Variants in APLF observed in about 807,000 individuals in gnomAD.
APLF encodes aprataxin and PNK-like factor.
APLF carries 61 observed loss-of-function variants against 55.6 expected under a neutral mutation model. The observed-to-expected ratio is 1.10, with a 90% confidence interval of 0.89 to 1.36. The LOEUF (loss-of-function observed/expected upper bound fraction) is 1.36, where lower values mean the gene tolerates loss of function less well. Ranked by LOEUF, APLF falls within the 40% of genes most tolerant of loss-of-function variation. The pLI is 0.00. For missense variants in APLF, 611 were observed against 602.5 expected, an observed-to-expected ratio of 1.01 and a Z score of -0.15; for synonymous variants, 207 against 214.8, an observed-to-expected ratio of 0.96 and a Z score of 0.32.
intron 5 of APLF, among the ~76,000 whole-genome samples, chr2:68,519,177 T>A: frequency 7.2e-6 from 1 of 138,204 alleles, no homozygotes; most frequent in Non-Finnish European, 1.5e-5. Context: ...ATTGGACCAA[T>A]GTGACTATAT....
chr2:68,515,522 T>G, intron 5 of APLF: 2 of 916,484 alleles, frequency 2.2e-6, no homozygotes, highest in Non-Finnish European at 2.6e-6. Context: ...GCTTCTGTGC[T>G]ACTGCTTATA....
Position 68,525,742 on chromosome 2 carries a change from C to CTTTTTTTTTTTTTTTTTT in APLF, c.623-311_623-294dup, listed in dbSNP as rs386390398. On this transcript the variant is annotated intron_variant, in intron 5 of 9. Coordinates refer to ENST00000303795, the MANE Select transcript of APLF (RefSeq NM_173545.3). The stretch of plus-strand genomic sequence containing the variant: ...TTTATCCTTTTTATTTTCTTTCTTT[C>CTTTTTTTTTTTTTTTTTT]TTTTTTTTTTTTTTTTTTTTTTTTT... Among the ~76,000 whole-genome samples, 45 of 81,974 alleles carry CTTTTTTTTTTTTTTTTTT rather than the reference C, an allele frequency of 5.5e-4. 4 individuals carry two copies. Among genetic ancestry groups the CTTTTTTTTTTTTTTTTTT allele is most frequent in the African/African-American group, 1.6e-3 (26 of 16,180 alleles). The allele number at this position is 81,974 out of a possible 152,430, so 53.8% of individuals were successfully genotyped here.
rs747170620 is a variant in APLF at position 68,526,132 on chromosome 2, G to A, written c.694G>A (p.Gly232Arg). The A allele has an allele frequency of 4.3e-6, 7 of 1,613,712 alleles. No individual in the cohort carries two copies. Among genetic ancestry groups the A allele is most frequent in the Non-Finnish European group, 5.1e-6 (6 of 1,179,954 alleles). Residue 232 changes from glycine (G) to arginine (R), a missense_variant, in exon 6 of 10, where the codon GGA (glycine) becomes AGA (arginine). By Grantham distance (125) the Gly-to-Arg change is moderately radical. Transcript: ENST00000303795. ...ATCCCAGCTAAACACAACCCAGCAA[G>A]GAAGAAGGCAATTAATTTCATCAGG... ...DKSQLNTTQQGRRQLISSGSS... is the reference protein window; with the variant it reads ...DKSQLNTTQQRRRQLISSGSS...
At chr2:68,549,696 GC>G (rs1670803848) in intron 8 of APLF, among the ~76,000 whole-genome samples, 1 of 152,018 alleles carries the variant, frequency 6.6e-6, no homozygotes, top group South Asian at 2.1e-4. Flanking sequence ...TTATATATTT[GC>G]TAGTTGATTT....
At chr2:68,577,791 GT>G in intron 9 of APLF, 28 bp from the exon 10 acceptor site, 1 of 1,607,424 alleles carries the variant, frequency 6.2e-7, no homozygotes, top group Non-Finnish European at 8.5e-7. Flanking sequence ...GGTGATTGAT[GT>G]GTTGTGTACC....
intron 2 of APLF, among the ~76,000 whole-genome samples, chr2:68,496,869 C>T (rs946642408): frequency 1.3e-5 from 2 of 152,188 alleles, no homozygotes; most frequent in Admixed American, 6.5e-5. Flanking sequence ...ATTTGCTGAT[C>T]GTTTGGTCAT....
At chr2:68,562,488 T>C (rs1671197644) in intron 8 of APLF, among the ~76,000 whole-genome samples, 1 of 152,026 alleles carries the variant, frequency 6.6e-6, no homozygotes, top group Non-Finnish European at 1.5e-5. Flanking sequence ...AGATAATGCA[T>C]ACATGTGCAA....
intron 2 of APLF, among the ~76,000 whole-genome samples, chr2:68,491,719 C>T (rs570109747): frequency 6.6e-5 from 10 of 152,140 alleles, no homozygotes; most frequent in African/African-American, 2.2e-4. Context: ...TTAGTGTAAC[C>T]GTCACCTGAA....
At chr2:68,481,541 TTGTC>T (rs796817086) in intron 1 of APLF, among the ~76,000 whole-genome samples, 31 of 152,324 alleles carry the variant, frequency 2.0e-4, no homozygotes, top group African/African-American at 5.8e-4. Context: ...AATTTTCTCA[TTGTC>T]TTTGACTTTT....
chr2:68,526,432 T>G (rs1051009307), intron 6 of APLF, among the ~76,000 whole-genome samples, 190 bp downstream of exon 6: 11 of 152,160 alleles, frequency 7.2e-5, no homozygotes, highest in Non-Finnish European at 1.5e-5. Context: ...AGTTAGAAAT[T>G]TTAGGAAGTG....
At position 68,484,905 on chromosome 2, in the gene APLF, G is replaced by C. The variant is rs578237560; in HGVS notation, c.97-5285G>C. Among the ~76,000 whole-genome samples the C allele has an allele frequency of 1.3e-4, 20 of 152,082 alleles. No individual in the cohort carries two copies. The East Asian group carries it at 1.9e-3, about 15-fold the overall frequency. ...CAGTTGCTTTTGACTACAAGTAACA[G>C]AAATTTGACAAACAGCAATTTAATC... On this transcript the variant is annotated intron_variant, in intron 1 of 9. Coordinates refer to ENST00000303795, the MANE Select transcript of APLF (RefSeq NM_173545.3).
intron 9 of APLF, among the ~76,000 whole-genome samples, 166 bp from the exon 10 acceptor site, chr2:68,577,650 TAATA>T (rs1671659333): frequency 6.6e-6 from 1 of 152,116 alleles, no homozygotes; most frequent in African/African-American, 2.4e-5. Flanking sequence ...AAAGTTAGAA[TAATA>T]AATAACAAAG....
At chr2:68,478,676 C>G (rs1270423827) in intron 1 of APLF, among the ~76,000 whole-genome samples, 1 of 152,056 alleles carries the variant, frequency 6.6e-6, no homozygotes, top group Non-Finnish European at 1.5e-5. Context: ...GAAAGGATGT[C>G]TGTCTGAACA....
chr2:68,475,632 C>A (rs1036254626), intron 1 of APLF, among the ~76,000 whole-genome samples: 1 of 152,082 alleles, frequency 6.6e-6, no homozygotes, highest in Non-Finnish European at 1.5e-5. Context: ...CATAATTGCC[C>A]CTTCTTAACA....
chr2:68,467,617 A>C lies in APLF; in HGVS notation c.-115A>C. 4 of 866,962 alleles carry C rather than the reference A, an allele frequency of 4.6e-6. No homozygotes were observed. Among genetic ancestry groups the C allele is most frequent in the Non-Finnish European group, 4.6e-6 (3 of 653,374 alleles). The allele number at this position is 866,962 out of a possible 1,614,324, so 53.7% of individuals were successfully genotyped here. A position where few individuals can be genotyped will look rare whatever the true frequency, so the allele number is the denominator to read the frequency against. On this transcript the variant is annotated 5_prime_UTR_variant, in exon 1 of 10. Transcript: ENST00000303795. ...CCGGCGCAGCCGCGGGGAGCCTTTG[A>C]GGCCCTCCCTCGGTGTTTTTTCCCA... is the stretch of plus-strand genomic sequence containing the variant.
Position 68,529,404 on chromosome 2 carries a change from G to A in APLF, c.804+3162G>A, listed in dbSNP as rs929055992. 4.4e-5 allele frequency: 55 copies of A among 1,259,962 alleles called. No homozygotes were observed. Among genetic ancestry groups the A allele is most frequent in the Non-Finnish European group, 5.3e-5 (53 of 1,001,396 alleles). The allele number at this position is 1,259,962 out of a possible 1,614,324, so 78.0% of individuals were successfully genotyped here. On this transcript the variant is annotated intron_variant, in intron 6 of 9. Transcript: ENST00000303795. The surrounding 1 kb of genome is among the most constrained non-coding windows in gnomAD (Gnocchi z 4.4). ...TCACGGACAAGACGAGCAGGTTGCCGATGGCATGGCCAGGACCTGCGGCGG... is the reference window on the plus strand; with the variant it reads ...TCACGGACAAGACGAGCAGGTTGCCAATGGCATGGCCAGGACCTGCGGCGG...
At chr2:68,562,784 A>C (rs72903924) in intron 8 of APLF, among the ~76,000 whole-genome samples, 11,758 of 152,098 alleles carry the variant, frequency 0.077, 1,310 homozygotes, top group African/African-American at 0.24. Context: ...CACTGAGATT[A>C]TGAAGGACCT....
chr2:68,478,598 A>G (rs544135305), intron 1 of APLF, among the ~76,000 whole-genome samples: 4 of 152,346 alleles, frequency 2.6e-5, no homozygotes, highest in Admixed American at 2.6e-4. Context: ...GGTAACAGAA[A>G]ATGCAGTGTC....
chr2:68,518,466 CAT>C (rs1346499901), intron 5 of APLF, among the ~76,000 whole-genome samples: 38 of 105,256 alleles, frequency 3.6e-4, no homozygotes, highest in East Asian at 1.0e-3. Flanking sequence ...TATTATATAA[CAT>C]ATTAATAATA....
Sources: allele counts gnomAD v4.1 joint callset (sites outside exome capture counted in the v4.1 genomes callset), GRCh38; gene constraint gnomAD v4.1.1; non-coding constraint Gnocchi (gnomAD v3.1); transcripts MANE v1.5; gene names NCBI Gene and HGNC (gene_info 2026-07-23, HGNC 2026-07-21).